MAP3K15: variants seen among roughly 807,000 people sequenced by gnomAD.
MAP3K15 encodes the protein MAPK/ERK kinase kinase 15.
MAP3K15 carries 124 observed loss-of-function variants against 99.5 expected under a neutral mutation model. The ratio of observed to expected loss-of-function variants is 1.25; its 90% confidence interval spans 1.08 to 1.45. MAP3K15 has a LOEUF of 1.45. Among genes scored for constraint, MAP3K15 ranks in the 40% most tolerant of loss-of-function variants. The pLI is 0.00. For synonymous variants in MAP3K15, 494 were observed against 439.6 expected, an observed-to-expected ratio of 1.12 and a Z score of -1.55; for missense variants, 1,242 against 1,079.7, an observed-to-expected ratio of 1.15 and a Z score of -2.11.
At chrX:19,390,042 CTTGTGTTACAAGTGAGAAGTCATT>C (rs1287295801) in intron 18 of MAP3K15, among the ~76,000 whole-genome samples, 1 of 111,697 alleles carries the variant, frequency 9.0e-6, no homozygotes, top group African/African-American at 3.3e-5. Flanking sequence ...TGTACCTCCC[CTTGTGTTACAAGTGAGAAGTCATT>C]TTGTGATGTA....
At chrX:19,380,471 T>C (rs1224551914) in intron 18 of MAP3K15, among the ~76,000 whole-genome samples, 194 bp from the exon 19 acceptor site, 1 of 111,395 alleles carries the variant, frequency 9.0e-6, no homozygotes, top group Admixed American at 9.5e-5. Flanking sequence ...AACTGTGAAA[T>C]GAATGGCTTC....
At chrX:19,457,534 C>T (rs1162893863) in intron 5 of MAP3K15, among the ~76,000 whole-genome samples, 1 of 111,599 alleles carries the variant, frequency 9.0e-6, no homozygotes, top group African/African-American at 3.3e-5. Flanking sequence ...ATTGATTGAA[C>T]CTGAGAGGCG....
At position 19,392,478 on chromosome X, in the gene MAP3K15, A is replaced by C. The variant is rs1246401065; in HGVS notation, c.2195-5T>G. The C allele has an allele frequency of 5.8e-6, 7 of 1,197,958 alleles. No individual in the cohort carries two copies. The highest frequency in any genetic ancestry group is 2.3e-5 in the Admixed American group (1 of 42,708). ...GCAGAAGAGCAGAAAGGCTTCCTAG[A>C]GACAGTCACAGCAAAAAACTTATCA... On this transcript the variant is annotated splice_polypyrimidine_tract_variant and splice_region_variant and intron_variant, in intron 16 of 28. Transcript: ENST00000338883.
At chrX:19,416,812 G>C (rs2063739854) in intron 9 of MAP3K15, among the ~76,000 whole-genome samples, 1 of 112,118 alleles carries the variant, frequency 8.9e-6, no homozygotes, top group Non-Finnish European at 1.9e-5. Context: ...GCTATTCGTA[G>C]TTAAGTTTTT....
At chrX:19,500,115 C>T (rs979357523) in intron 1 of MAP3K15, among the ~76,000 whole-genome samples, 3 of 111,300 alleles carry the variant, frequency 2.7e-5, no homozygotes, top group African/African-American at 9.8e-5. Context: ...GGTGTGGTGG[C>T]GTATGCCTGT....
intron 6 of MAP3K15, among the ~76,000 whole-genome samples, chrX:19,455,423 C>T (rs1213464767): frequency 9.6e-6 from 1 of 104,120 alleles, no homozygotes; most frequent in East Asian, 3.0e-4. Flanking sequence ...TGGCTCACTA[C>T]AGCATCAACT....
In MAP3K15 at chrX:19,431,603, T is replaced by A; in HGVS notation, c.1001A>T (p.Asn334Ile). 1 of 1,195,405 alleles carries A rather than the reference T, an allele frequency of 8.4e-7. No homozygotes were observed. The highest frequency in any genetic ancestry group is 1.1e-6 in the Non-Finnish European group (1 of 892,543). ...AGCCTTCTCACGGTCACCTGTGCTG[T>A]TTCTCCTGAAAGATAGATGTTATAA... ...FHYAFALNRRNSTGDREKALQ... is the reference protein window; with the variant it reads ...FHYAFALNRRISTGDREKALQ... The change falls in exon 7 of 29, where the codon AAC becomes ATC. Residue 334 changes from asparagine (N) to isoleucine (I), a missense_variant. Asn to Ile is a moderately radical substitution (Grantham distance 149). Transcript: ENST00000338883.
intron 11 of MAP3K15, among the ~76,000 whole-genome samples, 174 bp from the exon 12 acceptor site, chrX:19,410,147 A>G (rs1208491470): frequency 8.9e-6 from 1 of 112,498 alleles, no homozygotes; most frequent in African/African-American, 3.2e-5. Flanking sequence ...TTTCTTATGT[A>G]TTATAAAAAT....
chrX:19,390,467 C>A (rs2063519832), intron 18 of MAP3K15, among the ~76,000 whole-genome samples: 1 of 102,281 alleles, frequency 9.8e-6, no homozygotes, highest in Admixed American at 1.1e-4. Context: ...ACCACCACAC[C>A]CAGCTAATAA....
intron 18 of MAP3K15, among the ~76,000 whole-genome samples, chrX:19,391,701 G>GAAAAAAAGA (rs1189294748): frequency 3.1e-5 from 3 of 95,469 alleles, no homozygotes; most frequent in Admixed American, 1.2e-4. Context: ...AAAAAAGAAA[G>GAAAAAAAGA]AAAAAAAGAA....
At chrX:19,428,998 T>C (rs1356242978) in intron 7 of MAP3K15, among the ~76,000 whole-genome samples, 1 of 108,728 alleles carries the variant, frequency 9.2e-6, no homozygotes, top group Non-Finnish European at 1.9e-5. Context: ...GCAAGAGAAA[T>C]GAAACAGCAG....
chrX:19,454,025 T>C (rs771592552), intron 6 of MAP3K15, among the ~76,000 whole-genome samples: 19 of 110,996 alleles, frequency 1.7e-4, no homozygotes, highest in Non-Finnish European at 1.9e-5. Context: ...CTGGATTCAG[T>C]CACGTTCATC....
At chrX:19,431,231 G>A (rs907888909) in intron 7 of MAP3K15, among the ~76,000 whole-genome samples, 2 of 111,491 alleles carry the variant, frequency 1.8e-5, no homozygotes, top group Non-Finnish European at 1.9e-5. Flanking sequence ...GTGTACCTGT[G>A]GGAAGAGTGT....
intron 3 of MAP3K15, among the ~76,000 whole-genome samples, chrX:19,481,647 C>G (rs1411037474): frequency 8.9e-6 from 1 of 112,036 alleles, no homozygotes; most frequent in Non-Finnish European, 1.9e-5. Context: ...CCAAAGAAGA[C>G]TATGAATGAC....
chrX:19,491,027 C>G (rs1325684647), intron 1 of MAP3K15, among the ~76,000 whole-genome samples: 1 of 111,025 alleles, frequency 9.0e-6, no homozygotes, highest in Non-Finnish European at 1.9e-5. Context: ...ACTCAAAATC[C>G]CGATGGGACA....
At chrX:19,380,046 T>C in intron 19 of MAP3K15, 74 bp downstream of exon 19, 1 of 1,044,858 alleles carries the variant, frequency 9.6e-7, no homozygotes, top group Non-Finnish European at 1.3e-6. Context: ...AGAGGTTTTC[T>C]GGATTGGGAG....
chrX:19,492,899 G>C (rs1214584717), intron 1 of MAP3K15, among the ~76,000 whole-genome samples: 1 of 111,001 alleles, frequency 9.0e-6, no homozygotes, highest in Non-Finnish European at 1.9e-5. Flanking sequence ...CCTGGGAGGA[G>C]GCGGTTGCAG....
At chrX:19,436,665 G>C (rs753464459) in intron 6 of MAP3K15, among the ~76,000 whole-genome samples, 5 of 111,065 alleles carry the variant, frequency 4.5e-5, no homozygotes, top group African/African-American at 1.6e-4. Context: ...AACTTAACGT[G>C]TCCCAAATCA....
Position 19,409,984 on chromosome X carries a change from T to A in MAP3K15, c.1699-11A>T, listed in dbSNP as rs1192844870. ...TTCGTGCATCTGTTTCTGCAAGTTA[T>A]CAAAGACAGAAGTCAATAGTTTGAG... On this transcript the variant is annotated splice_polypyrimidine_tract_variant and intron_variant, in intron 11 of 28. Transcript: ENST00000338883. 2 of 1,194,462 alleles carry A rather than the reference T, an allele frequency of 1.7e-6. No homozygotes were observed. The highest frequency in any genetic ancestry group is 1.8e-5 in the African/African-American group (1 of 57,067).
Sources: gnomAD v4.1 joint callset for allele counts (sites outside exome capture counted in the v4.1 genomes callset) on GRCh38, gnomAD v4.1.1 for gene constraint, MANE v1.5 for transcripts, NCBI Gene and HGNC (gene_info 2026-07-23, HGNC 2026-07-21) for gene names.